Variants in P2RX3 observed in about 807,000 individuals in gnomAD.
P2RX3 encodes P2X purinoceptor 3.
A neutral mutation model predicts 51.5 loss-of-function variants in P2RX3; 41 were observed. The observed-to-expected ratio is 0.80, with a 90% CI of 0.62 to 1.03. The LOEUF (loss-of-function observed/expected upper bound fraction) is 1.03. P2RX3 is among the 50% of genes least tolerant of loss of function. The pLI is 0.00. For synonymous variants in P2RX3, 185 were observed against 191.6 expected (o/e 0.97, Z 0.29); for missense variants, 459 against 522.1 (o/e 0.88, Z 1.18).
intron 8 of P2RX3, among the ~76,000 whole-genome samples, chr11:57,351,280 AG>A (rs1856543884): frequency 6.6e-6 from 1 of 152,172 alleles, no homozygotes; most frequent in Non-Finnish European, 1.5e-5. Context: ...GAATTTTCTA[AG>A]GTTTCTCGCT....
chr11:57,368,884 G>A (rs1295674494), intron 10 of P2RX3, among the ~76,000 whole-genome samples: 1 of 152,082 alleles, frequency 6.6e-6, no homozygotes, highest in Non-Finnish European at 1.5e-5. Flanking sequence ...GAGCTGGGAA[G>A]GCAGCCCTGA....
In P2RX3 at chr11:57,338,376, A is replaced by G. The variant is rs1168076011; in HGVS notation, c.-175A>G. On this transcript the variant is annotated 5_prime_UTR_variant, in exon 1 of 12. Coordinates refer to ENST00000263314, the MANE Select transcript of P2RX3 (RefSeq NM_002559.5). ...TGGCCTCTTGGAAGCCAGAGTATCA[A>G]GAGCAGAGAATCTCACTAGGATTGC... is the stretch of plus-strand genomic sequence containing the variant. 2.9e-5 allele frequency: 14 copies of G among 482,888 alleles called. No individual in the cohort carries two copies. Among genetic ancestry groups the G allele is most frequent in the Admixed American group, 1.9e-4 (7 of 35,948 alleles). The allele number at this position is 482,888 out of a possible 1,614,324, so 29.9% of individuals were successfully genotyped here.
chr11:57,349,429 G>A (rs1311405742), intron 6 of P2RX3, among the ~76,000 whole-genome samples: 5 of 151,756 alleles, frequency 3.3e-5, no homozygotes, highest in African/African-American at 9.7e-5. Flanking sequence ...TCATGCCACC[G>A]CGCTCCAGCC....
chr11:57,348,995 A>G (rs1012968504), intron 6 of P2RX3, among the ~76,000 whole-genome samples: 14 of 152,200 alleles, frequency 9.2e-5, no homozygotes, highest in Non-Finnish European at 1.5e-5. Context: ...TGGGTCAAGG[A>G]TGCCTTCAAC....
Position 57,368,429 on chromosome 11 carries a change from G to A in P2RX3, c.994G>A (p.Val332Met), listed in dbSNP as rs370263553. Reference protein sequence around the residue: ...IISSVAAFTSVGVGTVLCDII... With the variant: ...IISSVAAFTSMGVGTVLCDII... ...CAGCTCTGTGGCGGCCTTTACTTCT[G>A]TGGGAGTGGTGAGTTCAGCCCCTCC... Residue 332 changes from valine to methionine, a missense_variant, in exon 10 of 12, where the codon GTG becomes ATG. Coordinates refer to ENST00000263314, the MANE Select transcript of P2RX3 (RefSeq NM_002559.5). The A allele has an allele frequency of 1.2e-6, 2 of 1,614,158 alleles. No individual in the cohort carries two copies. Among genetic ancestry groups the A allele is most frequent in the Non-Finnish European group, 1.7e-6 (2 of 1,180,036 alleles).
At chr11:57,362,464 A>C (rs1295057328) in intron 8 of P2RX3, among the ~76,000 whole-genome samples, 1 of 152,206 alleles carries the variant, frequency 6.6e-6, no homozygotes, top group African/African-American at 2.4e-5. Context: ...TTAGATGAGG[A>C]GGCTACAGGG....
At chr11:57,365,064 G>C (rs1856777906) in intron 8 of P2RX3, among the ~76,000 whole-genome samples, 1 of 152,146 alleles carries the variant, frequency 6.6e-6, no homozygotes, top group Admixed American at 6.5e-5. Flanking sequence ...CACCAGCTCT[G>C]CTTGTGCCCA....
At chr11:57,369,005 C>G (rs140793333) in intron 10 of P2RX3, among the ~76,000 whole-genome samples, 3 of 152,244 alleles carry the variant, frequency 2.0e-5, no homozygotes, top group East Asian at 1.9e-4. Context: ...TAGCTCGGAT[C>G]TCTCTTCCTC....
chr11:57,348,373 T>TGA (rs1856481451), intron 5 of P2RX3, 110 bp downstream of exon 5: 2 of 1,071,582 alleles, frequency 1.9e-6, no homozygotes, highest in African/African-American at 1.6e-5. Context: ...CTTTCTCCAG[T>TGA]GTTGTCCCTT....
At chr11:57,362,976 G>A (rs1339084703) in intron 8 of P2RX3, among the ~76,000 whole-genome samples, 2 of 152,156 alleles carry the variant, frequency 1.3e-5, no homozygotes, top group Non-Finnish European at 2.9e-5. Flanking sequence ...TTTATGCTAG[G>A]ATAAGGGATG....
chr11:57,337,166 C>T (rs1257222200), upstream of P2RX3, among the ~76,000 whole-genome samples: 8 of 151,520 alleles, frequency 5.3e-5, no homozygotes, highest in African/African-American at 1.7e-4. Flanking sequence ...GTGGCGGGTG[C>T]CTATAATCCC....
upstream of P2RX3, among the ~76,000 whole-genome samples, chr11:57,337,009 C>T (rs1323571120): frequency 6.6e-6 from 1 of 152,128 alleles, no homozygotes; most frequent in Non-Finnish European, 1.5e-5. Context: ...AAAACATCCC[C>T]GGCCAGGCAC....
upstream of P2RX3, among the ~76,000 whole-genome samples, chr11:57,336,898 T>A (rs1376459254): frequency 1.3e-5 from 2 of 152,196 alleles, no homozygotes; most frequent in African/African-American, 4.8e-5. Context: ...TATTCCAGCA[T>A]TATCTAGCAA....
chr11:57,368,273 C>T, intron 9 of P2RX3, 99 bp from the exon 10 acceptor site: 6 of 1,399,342 alleles, frequency 4.3e-6, no homozygotes, highest in Non-Finnish European at 5.1e-6. Context: ...GAGGGATCTG[C>T]TGATCCACCA....
At chr11:57,338,759 C>A in intron 1 of P2RX3, 90 bp downstream of exon 1, 1 of 817,000 alleles carries the variant, frequency 1.2e-6, no homozygotes, top group Non-Finnish European at 2.0e-6. Context: ...ATCCAGCTTC[C>A]TGAGCTCCTC....
intron 1 of P2RX3, among the ~76,000 whole-genome samples, chr11:57,345,802 G>C (rs1236925981): frequency 6.6e-6 from 1 of 152,156 alleles, no homozygotes; most frequent in Non-Finnish European, 1.5e-5. Flanking sequence ...GAAGGCGCCA[G>C]TACAGGTAAA....
At chr11:57,366,066 CT>C in intron 8 of P2RX3, among the ~76,000 whole-genome samples, 1 of 152,272 alleles carries the variant, frequency 6.6e-6, no homozygotes, top group East Asian at 1.9e-4. Flanking sequence ...TTTCTGGGCC[CT>C]TTCACTCCTG....
chr11:57,352,078 G>A (rs10750859), intron 8 of P2RX3, among the ~76,000 whole-genome samples: 70,286 of 152,024 alleles, frequency 0.46, 18,564 homozygotes, highest in East Asian at 0.69. Context: ...ACATAAGAAT[G>A]TATATTTGAA....
intron 8 of P2RX3, among the ~76,000 whole-genome samples, chr11:57,359,321 G>T (rs763584217): frequency 2.7e-5 from 4 of 148,192 alleles, no homozygotes; most frequent in South Asian, 2.1e-4. Flanking sequence ...CAGAAACCAG[G>T]GGGGAGGAAG....
Sources: gnomAD v4.1 joint callset for allele counts (sites outside exome capture counted in the v4.1 genomes callset) on GRCh38, gnomAD v4.1.1 for gene constraint, MANE v1.5 for transcripts, NCBI Gene and HGNC (gene_info 2026-07-23, HGNC 2026-07-21) for gene names.